The following LYPD6 variants were observed in gnomAD, a reference collection of about 807,000 sequenced individuals.
LYPD6 encodes LY6/PLAUR domain containing 6, also known as ly6/PLAUR domain-containing protein 6.
Under a neutral mutation model 22.7 loss-of-function variants are expected in LYPD6, and 15 were observed. That is an observed-to-expected ratio of 0.66 (90% CI 0.44 to 1.02). LYPD6 has a LOEUF of 1.02. Among genes scored for constraint, LYPD6 ranks in the 50% least tolerant of loss-of-function variants. The pLI is 0.00. For synonymous variants in LYPD6, 72 were observed against 77.5 expected, an observed-to-expected ratio of 0.93 and a Z score of 0.37; for missense variants, 189 against 208.4, an observed-to-expected ratio of 0.91 and a Z score of 0.57.
the LYPD6 span, among the ~76,000 whole-genome samples, chr2:149,481,547 A>C: frequency 1.1e-4 from 16 of 152,230 alleles, no homozygotes; most frequent in Admixed American, 7.2e-4. Flanking sequence ...AAAACAAAAC[A>C]AAACAAAACA....
At chr2:149,478,220 C>T (rs1454861719), downstream of LYPD6, among the ~76,000 whole-genome samples, 1 of 152,068 alleles carries the variant, frequency 6.6e-6, no homozygotes, top group Non-Finnish European at 1.5e-5. Flanking sequence ...ATACTCATCT[C>T]AAGAATTCTG....
At chr2:149,353,089 A>G (rs1399851194) in intron 1 of LYPD6, among the ~76,000 whole-genome samples, 1 of 152,232 alleles carries the variant, frequency 6.6e-6, no homozygotes, top group Non-Finnish European at 1.5e-5. Context: ...AGGCCAATGT[A>G]GTCATCTACA....
downstream of LYPD6, among the ~76,000 whole-genome samples, chr2:149,475,020 G>A (rs575614028): frequency 6.6e-6 from 1 of 152,126 alleles, no homozygotes; most frequent in Non-Finnish European, 1.5e-5. Context: ...ACCCGCTTTG[G>A]CCTCCCAAAG....
chr2:149,403,924 G>A (rs971931060), intron 1 of LYPD6, among the ~76,000 whole-genome samples: 2 of 152,146 alleles, frequency 1.3e-5, no homozygotes. Flanking sequence ...GTGTAAGGAA[G>A]GGATCCAGTT....
In LYPD6 at chr2:149,437,809, T is replaced by C; in HGVS notation, c.101T>C (p.Ile34Thr). The C allele has an allele frequency of 1.9e-6, 3 of 1,614,172 alleles. No individual in the cohort carries two copies. The highest frequency in any genetic ancestry group is 2.5e-6 in the Non-Finnish European group (3 of 1,179,998). The change falls in exon 2 of 5, where the codon ATC (isoleucine) becomes ACC (threonine). Residue 34 changes from isoleucine to threonine, a missense_variant. By Grantham distance (89) the Ile-to-Thr change is moderately conservative. Coordinates refer to ENST00000334166, the MANE Select transcript of LYPD6 (RefSeq NM_194317.5). Reference protein sequence around the residue: ...QSRDFTVKDIIYLHPSTTPYP... With the variant: ...QSRDFTVKDITYLHPSTTPYP... ...CGAGACTTCACAGTGAAAGACATTA[T>C]CTACCTCCATCCTTCAAGTAAGACT...
intron 1 of LYPD6, among the ~76,000 whole-genome samples, chr2:149,393,621 C>A (rs1400538287): frequency 1.3e-5 from 2 of 152,178 alleles, no homozygotes; most frequent in African/African-American, 2.4e-5. Context: ...CCCTTGTGGG[C>A]AGCCAGCAGG....
chr2:149,439,040 G>A (rs1257600388), intron 2 of LYPD6, among the ~76,000 whole-genome samples: 1 of 152,148 alleles, frequency 6.6e-6, no homozygotes, highest in African/African-American at 2.4e-5. Flanking sequence ...ATACTCGTTA[G>A]CATTATTTTA....
chr2:149,408,048 G>T (rs1024039947), intron 1 of LYPD6, among the ~76,000 whole-genome samples: 9 of 152,188 alleles, frequency 5.9e-5, no homozygotes, highest in Non-Finnish European at 8.8e-5. Context: ...CAAAACCGCG[G>T]ATTTTCGTGA....
chr2:149,345,917 C>T (rs973963402), intron 1 of LYPD6, among the ~76,000 whole-genome samples: 5 of 152,114 alleles, frequency 3.3e-5, no homozygotes, highest in Admixed American at 1.3e-4. Flanking sequence ...CAAACTGCAC[C>T]GTGCTCCAGT....
chr2:149,476,056 A>G (rs888088836), downstream of LYPD6, among the ~76,000 whole-genome samples: 5 of 152,202 alleles, frequency 3.3e-5, no homozygotes, highest in African/African-American at 1.2e-4. Flanking sequence ...AGATTTATAC[A>G]GGAGAGAAAA....
At chr2:149,478,397 TGTGC>T (rs769077400), downstream of LYPD6, among the ~76,000 whole-genome samples, 113 of 66,642 alleles carry the variant, frequency 1.7e-3, no homozygotes, top group East Asian at 0.022. Context: ...TGTGTGTGTG[TGTGC>T]GCGCACGCAT....
At chr2:149,347,637 A>T (rs996466429) in intron 1 of LYPD6, among the ~76,000 whole-genome samples, 1 of 152,122 alleles carries the variant, frequency 6.6e-6, no homozygotes, top group Non-Finnish European at 1.5e-5. Context: ...TTCCTTTTTC[A>T]TATTTTTTGA....
chr2:149,457,892 T>G (rs1339783711), intron 3 of LYPD6, among the ~76,000 whole-genome samples: 2 of 152,092 alleles, frequency 1.3e-5, no homozygotes, highest in African/African-American at 4.8e-5. Context: ...GTTCACTAGG[T>G]TTTCTTTCAG....
At chr2:149,439,407 G>A (rs1683507123) in intron 2 of LYPD6, among the ~76,000 whole-genome samples, 1 of 152,138 alleles carries the variant, frequency 6.6e-6, no homozygotes, top group African/African-American at 2.4e-5. Flanking sequence ...TCTCCAAGCA[G>A]GCATGCTACT....
At chr2:149,444,710 T>C (rs887682022) in intron 2 of LYPD6, among the ~76,000 whole-genome samples, 3 of 152,184 alleles carry the variant, frequency 2.0e-5, no homozygotes, top group Non-Finnish European at 2.9e-5. Context: ...ACTTCTATTA[T>C]GAGATTACAG....
At chr2:149,483,049 G>A in the LYPD6 span, among the ~76,000 whole-genome samples, 1 of 152,162 alleles carries the variant, frequency 6.6e-6, no homozygotes, top group East Asian at 1.9e-4. Flanking sequence ...ATGAGAGCCC[G>A]GTGGAGGTTT....
intron 1 of LYPD6, among the ~76,000 whole-genome samples, chr2:149,332,377 A>G (rs1680955633): frequency 6.6e-6 from 1 of 152,246 alleles, no homozygotes; most frequent in Non-Finnish European, 1.5e-5. Context: ...CAAGCTGTTG[A>G]CAGTCTTTGT....
intron 1 of LYPD6, among the ~76,000 whole-genome samples, chr2:149,428,554 G>T (rs1253360622): frequency 1.3e-5 from 2 of 152,116 alleles, no homozygotes; most frequent in Non-Finnish European, 2.9e-5. Flanking sequence ...GAGAAGACTG[G>T]TTTATTTTTC....
rs370388133 is a variant in LYPD6, at chr2:149,357,350, T to C, written c.-72+26628T>C. 8.3e-4 allele frequency among the ~76,000 whole-genome samples: 119 copies of C among 142,744 alleles called. No homozygotes were observed. The South Asian group carries it at 8.9e-3, about 11-fold the overall frequency. 93.6% of individuals were successfully genotyped at this position (142,744 alleles called of 152,430 possible). A position where few individuals can be genotyped will look rare whatever the true frequency, so the allele number is the denominator to read the frequency against. On this transcript the variant is annotated intron_variant, in intron 1 of 4. Transcript: ENST00000334166. ...AGGATTGAGGGAGGATTTGGACACA[T>C]AGTCTCCTGACACTTTTTTCCAGGG...
Sources: gnomAD v4.1 joint callset for allele counts (sites outside exome capture counted in the v4.1 genomes callset) on GRCh38, gnomAD v4.1.1 for gene constraint, MANE v1.5 for transcripts, NCBI Gene and HGNC (gene_info 2026-07-23, HGNC 2026-07-21) for gene names.